The following LARP1 variants were observed in gnomAD, a reference collection of about 807,000 sequenced individuals.
LARP1 encodes the protein la-related protein 1.
Under a neutral mutation model 122.7 loss-of-function variants are expected in LARP1, and 36 were observed. That is an observed-to-expected ratio of 0.29 (90% CI 0.22 to 0.39). The LOEUF (loss-of-function observed/expected upper bound fraction) is 0.39. Among genes scored for constraint, LARP1 ranks in the 10% least tolerant of loss-of-function variants. The pLI is 1.00. For synonymous variants in LARP1, 539 were observed against 528.7 expected (o/e 1.02, Z -0.27); for missense variants, 1,040 against 1,403.6 (o/e 0.74, Z 4.14).
At chr5:154,749,644 C>CT (rs2113504534) in intron 1 of LARP1, among the ~76,000 whole-genome samples, 1 of 152,302 alleles carries the variant, frequency 6.6e-6, no homozygotes, top group East Asian at 1.9e-4. Context: ...TCTTCAGGGT[C>CT]TTGAAAAACA....
At chr5:154,812,606 G>A (rs1414246779) in intron 18 of LARP1, among the ~76,000 whole-genome samples, 6 of 143,300 alleles carry the variant, frequency 4.2e-5, no homozygotes, top group African/African-American at 1.3e-4. Flanking sequence ...TGCAACCTCC[G>A]CCTCCCGGGT....
upstream of LARP1, among the ~76,000 whole-genome samples, chr5:154,708,515 G>A (rs1755056227): frequency 1.3e-5 from 2 of 152,330 alleles, no homozygotes; most frequent in Admixed American, 6.5e-5. Context: ...TGTGTGCTCT[G>A]TGTCCATTTC....
upstream of LARP1, among the ~76,000 whole-genome samples, chr5:154,755,366 C>T (rs1753764806): frequency 6.6e-6 from 1 of 150,894 alleles, no homozygotes; most frequent in African/African-American, 2.4e-5. Context: ...CGCCGCGCCT[C>T]TCCCCCGTCC....
chr5:154,756,799 A>G (rs1753964452), intron 1 of LARP1, among the ~76,000 whole-genome samples: 1 of 152,022 alleles, frequency 6.6e-6, no homozygotes, highest in African/African-American at 2.4e-5. Context: ...GAAGAAACCC[A>G]TCGTGTCATC....
At position 154,756,040 on chromosome 5, in the gene LARP1, G is replaced by A. The variant is rs1004205618; in HGVS notation, c.283G>A (p.Gly95Ser). 4.7e-6 allele frequency: 5 copies of A among 1,070,778 alleles called. No homozygotes were observed. The South Asian group carries it at 1.2e-4, about 26-fold the overall frequency. The allele number at this position is 1,070,778 out of a possible 1,614,324, so 66.3% of individuals were successfully genotyped here. Residue 95 changes from glycine (G) to serine (S), a missense_variant, in exon 1 of 19, where the codon GGC (glycine) becomes AGC (serine). This residue lies in a region of LARP1 where 257 missense variants were observed against 273.3 expected (regional missense o/e 0.94). Transcript: ENST00000518297. Reference sequence around the variant, plus strand: ...CCCGGCCATCAGCGACGGGGAGGAGGGCGGCGGCGAGCCAGGCGCTGGCGG... The same window carrying A: ...CCCGGCCATCAGCGACGGGGAGGAGAGCGGCGGCGAGCCAGGCGCTGGCGG... The part of the protein sequence containing the change: ...EGPAISDGEE[G>S]GGEPGAGGGA...
chr5:154,701,128 G>GT (rs926731736), intron 1 of LARP1, among the ~76,000 whole-genome samples: 7 of 152,038 alleles, frequency 4.6e-5, no homozygotes, highest in Non-Finnish European at 1.0e-4. Flanking sequence ...GTTTTCTTTT[G>GT]TTTTTTGTTT....
upstream of LARP1, among the ~76,000 whole-genome samples, chr5:154,750,832 C>T (rs191108853): frequency 1.2e-3 from 177 of 151,530 alleles, no homozygotes; most frequent in African/African-American, 3.9e-3. Context: ...AGGTGGGTCT[C>T]AAATTCCCGG....
intron 1 of LARP1, among the ~76,000 whole-genome samples, chr5:154,731,113 C>G (rs1756541516): frequency 6.6e-6 from 1 of 152,098 alleles, no homozygotes; most frequent in Non-Finnish European, 1.5e-5. Context: ...GCGTGAGCCA[C>G]TGTGCCTGGC....
chr5:154,717,911 C>T (rs1755610792), intron 1 of LARP1, among the ~76,000 whole-genome samples: 1 of 151,852 alleles, frequency 6.6e-6, no homozygotes, highest in African/African-American at 2.4e-5. Context: ...TAGAAATAGC[C>T]TTTCATTTTC....
intron 8 of LARP1, among the ~76,000 whole-genome samples, chr5:154,796,017 A>G: frequency 9.9e-6 from 1 of 101,092 alleles, no homozygotes; most frequent in East Asian, 2.3e-4. Flanking sequence ...ATATATTTAT[A>G]TATTATATAT....
At chr5:154,792,236 C>T (rs1324573943) in intron 3 of LARP1, among the ~76,000 whole-genome samples, 1 of 152,212 alleles carries the variant, frequency 6.6e-6, no homozygotes, top group Non-Finnish European at 1.5e-5. Flanking sequence ...TACTCACTGG[C>T]TGTGGCCGCT....
chr5:154,792,964 A>T (rs1186251213), intron 4 of LARP1, among the ~76,000 whole-genome samples, 168 bp downstream of exon 4: 3 of 152,218 alleles, frequency 2.0e-5, no homozygotes, highest in Non-Finnish European at 2.9e-5. Flanking sequence ...TCTGTCATTA[A>T]TCAGTCCCTC....
In LARP1 at chr5:154,735,316, G is replaced by A. The variant is rs559362692; in HGVS notation, c.205+22186G>A. On this transcript the variant is annotated intron_variant, in intron 1 of 18. Transcript: ENST00000336314. The stretch of plus-strand genomic sequence containing the variant: ...CTAAAAATACAAACATTAGCCAGGC[G>A]TGATGGGTGCCTGTAATCCCAGCTA... Among the ~76,000 whole-genome samples the A allele has an allele frequency of 1.9e-3, 289 of 152,086 alleles. 2 individuals carry two copies. The highest frequency in any genetic ancestry group is 3.4e-3 in the Middle Eastern group (1 of 294).
At chr5:154,731,513 G>A (rs189719634) in intron 1 of LARP1, among the ~76,000 whole-genome samples, 32 of 152,166 alleles carry the variant, frequency 2.1e-4, no homozygotes, top group African/African-American at 7.2e-4. Flanking sequence ...TCTTAGAGAA[G>A]GTGCTCTCAA....
chr5:154,755,301 T>C (rs1253491025), upstream of LARP1, among the ~76,000 whole-genome samples: 7 of 147,602 alleles, frequency 4.7e-5, no homozygotes, highest in African/African-American at 1.2e-4. Flanking sequence ...GCCCGCCGCG[T>C]CGTGAGGCGC....
chr5:154,810,888 A>G (rs1196732384), intron 16 of LARP1, among the ~76,000 whole-genome samples: 2 of 152,208 alleles, frequency 1.3e-5, no homozygotes, highest in Non-Finnish European at 2.9e-5. Flanking sequence ...GGATTGGCCA[A>G]CTTTTTCTAG....
chr5:154,730,662 C>T (rs1756504617), intron 1 of LARP1, among the ~76,000 whole-genome samples: 1 of 151,834 alleles, frequency 6.6e-6, no homozygotes, highest in South Asian at 2.1e-4. Flanking sequence ...TTAGTAGAGA[C>T]AAGGTTTCAC....
At position 154,809,862 on chromosome 5, in the gene LARP1, C is replaced by T. The variant is rs1178751739; in HGVS notation, c.2843+1259C>T. 5.9e-5 allele frequency among the ~76,000 whole-genome samples: 9 copies of T among 151,906 alleles called. No homozygotes were observed. In the East Asian group the frequency reaches 1.2e-3, roughly 20 times the overall value. On this transcript the variant is annotated intron_variant, in intron 16 of 18. Coordinates refer to ENST00000518297, the MANE Select transcript of LARP1 (RefSeq NM_033551.3). ...CTGGGACCACAGGCGCCTGCCACCA[C>T]GCCTGGCTAATTTTTTTTGTATTTT...
chr5:154,795,918 AT>A (rs1757732827), intron 8 of LARP1, among the ~76,000 whole-genome samples: 1 of 121,968 alleles, frequency 8.2e-6, no homozygotes, highest in Admixed American at 1.1e-4. Flanking sequence ...TATTTATTAT[AT>A]ATTTATATTT....
Sources: allele counts gnomAD v4.1 joint callset (sites outside exome capture counted in the v4.1 genomes callset), GRCh38; gene constraint gnomAD v4.1.1; regional missense constraint gnomAD v4.1.1; transcripts MANE v1.5; gene names NCBI Gene and HGNC (gene_info 2026-07-23, HGNC 2026-07-21).